Variants in SLC6A14 observed in about 807,000 individuals in gnomAD.
The protein encoded by SLC6A14 is solute carrier family 6 member 14.
In SLC6A14, 21 loss-of-function variants were observed where a neutral mutation model predicts 51.4. The ratio of observed to expected loss-of-function variants is 0.41; its 90% CI spans 0.29 to 0.59. The LOEUF is 0.59. SLC6A14 is among the 20% of genes least tolerant of loss of function. The pLI is 0.31. For synonymous variants in SLC6A14, 177 were observed against 160.7 expected (o/e 1.10, Z -0.77); for missense variants, 371 against 472.8 (o/e 0.78, Z 2.00).
intron 12 of SLC6A14, among the ~76,000 whole-genome samples, chrX:116,457,318 T>C (rs1273285439): frequency 1.8e-5 from 2 of 111,777 alleles, no homozygotes; most frequent in Non-Finnish European, 3.8e-5. Flanking sequence ...CAATCTGATA[T>C]ATGGTCAAGT....
At position 116,453,640 on chromosome X, in the gene SLC6A14, G is replaced by A. The variant is rs782340939; in HGVS notation, c.1285+498G>A. On this transcript the variant is annotated intron_variant, in intron 9 of 13. Coordinates refer to ENST00000598581, the MANE Select transcript of SLC6A14 (RefSeq NM_007231.5). ...GATCTAGTTAAATCACAATCTCTTT[G>A]TTGCCATAATAATGGGCATATGAAT... 6.3e-5 allele frequency among the ~76,000 whole-genome samples: 7 copies of A among 110,869 alleles called. No homozygotes were observed. In the South Asian group the frequency reaches 2.6e-3, roughly 41 times the overall value.
Position 116,455,022 on chromosome X carries a change from T to C in SLC6A14, c.1450T>C (p.Trp484Arg). The change falls in exon 11 of 14, where the codon TGG (tryptophan) becomes CGG (arginine). Residue 484 changes from tryptophan (W) to arginine (R), a missense_variant. Trp to Arg is a moderately radical substitution (Grantham distance 101). Coordinates refer to ENST00000598581, the MANE Select transcript of SLC6A14 (RefSeq NM_007231.5). ...VHLIDHFCAG[W>R]GILIAAILEL... The stretch of plus-strand genomic sequence containing the variant: ...TCTGATTGACCACTTCTGTGCTGGA[T>C]GGGGCATTTTAATTGCAGCTATACT... 8.3e-7 allele frequency: 1 copy of C among 1,207,196 alleles called. No individual in the cohort carries two copies. Among genetic ancestry groups the C allele is most frequent in the Non-Finnish European group, 1.1e-6 (1 of 892,366 alleles).
intron 7 of SLC6A14, among the ~76,000 whole-genome samples, chrX:116,451,238 G>A (rs1385577373): frequency 9.0e-6 from 1 of 111,217 alleles, no homozygotes; most frequent in Non-Finnish European, 1.9e-5. Flanking sequence ...AATTGCCACT[G>A]GTGGGTAGAA....
chrX:116,439,075 A>G lies in SLC6A14; in HGVS notation c.214+1120A>G, dbSNP rs782128264. Among the ~76,000 whole-genome samples the G allele has an allele frequency of 7.2e-5, 8 of 111,311 alleles. No individual in the cohort carries two copies. In the South Asian group the frequency reaches 2.3e-3, roughly 32 times the overall value. Reference sequence around the variant, plus strand: ...TGTCCTAAGGTCCAGTGTGGTAAAGAGAAGCATTCTGGATCATTTTGAGCC... The same window carrying G: ...TGTCCTAAGGTCCAGTGTGGTAAAGGGAAGCATTCTGGATCATTTTGAGCC... On this transcript the variant is annotated intron_variant, in intron 2 of 13. Coordinates refer to ENST00000598581, the MANE Select transcript of SLC6A14 (RefSeq NM_007231.5).
intron 5 of SLC6A14, 38 bp downstream of exon 5, chrX:116,443,828 A>G (rs1927651348): frequency 9.7e-7 from 1 of 1,030,694 alleles, no homozygotes; most frequent in South Asian, 2.6e-5. Flanking sequence ...AGTAGATGTT[A>G]TCTTAAAATT....
intron 13 of SLC6A14, among the ~76,000 whole-genome samples, chrX:116,458,149 C>G (rs1362506450): frequency 9.0e-6 from 1 of 111,509 alleles, no homozygotes; most frequent in African/African-American, 3.3e-5. Context: ...TCCATAGTCA[C>G]TGCTTTTAAA....
At chrX:116,437,733 C>T in intron 1 of SLC6A14, 57 bp from the exon 2 acceptor site, 2 of 1,095,038 alleles carry the variant, frequency 1.8e-6, no homozygotes, top group Admixed American at 5.1e-5. Flanking sequence ...TGAAATTATG[C>T]TTCTGTGGAA....
intron 4 of SLC6A14, 74 bp from the exon 5 acceptor site, chrX:116,443,569 T>C: frequency 1.3e-6 from 1 of 742,372 alleles, no homozygotes; most frequent in Non-Finnish European, 1.8e-6. Flanking sequence ...TATGTTACCA[T>C]TAAAACATTT....
chrX:116,436,777 G>A lies in SLC6A14; in HGVS notation c.48+20G>A, dbSNP rs782337618. On this transcript the variant is annotated intron_variant, in intron 1 of 13. Coordinates refer to ENST00000598581, the MANE Select transcript of SLC6A14 (RefSeq NM_007231.5). ...AAGGAGGTAGGGGTCTGGGAGCTGC[G>A]GGAGGTGTGGAGGACCTGAGAGTGG... is the stretch of plus-strand genomic sequence containing the variant. 2.6e-6 allele frequency: 3 copies of A among 1,157,507 alleles called. No homozygotes were observed. Among genetic ancestry groups the A allele is most frequent in the Non-Finnish European group, 3.5e-6 (3 of 867,159 alleles).
intron 8 of SLC6A14, 47 bp downstream of exon 8, chrX:116,451,717 C>A: frequency 1.3e-6 from 1 of 744,487 alleles, no homozygotes; most frequent in Non-Finnish European, 2.0e-6. Context: ...CAATGTATCT[C>A]ACTTATGAAA....
Position 116,440,970 on chromosome X carries a change from C to T in SLC6A14, c.219C>T (p.Ala73=). ...PYLTYSNGGG[A]FLIPYAIMLA... Reference sequence around the variant, plus strand: ...GTTCTTTCTCACCTTTTTTAGGCGCCTTCTTGATACCTTATGCAATTATGT... The same window carrying T: ...GTTCTTTCTCACCTTTTTTAGGCGCTTTCTTGATACCTTATGCAATTATGT... The change falls in exon 3 of 14, where the codon GCC becomes GCT. Residue 73 remains alanine, a synonymous_variant. Transcript: ENST00000598581. The T allele has an allele frequency of 1.7e-6, 2 of 1,208,739 alleles. No individual in the cohort carries two copies. The highest frequency in any genetic ancestry group is 2.2e-6 in the Non-Finnish European group (2 of 894,177).
Position 116,459,952 on chromosome X carries a change from A to G in SLC6A14, c.*997A>G, listed in dbSNP as rs1307950266. On this transcript the variant is annotated 3_prime_UTR_variant, in exon 14 of 14. Transcript: ENST00000598581. Reference sequence around the variant, plus strand: ...GATAAACTTGTCAAACTTGTCAAGAATGAGAAAAGCCAAATTAGAAAATCC... The same window carrying G: ...GATAAACTTGTCAAACTTGTCAAGAGTGAGAAAAGCCAAATTAGAAAATCC... The G allele has an allele frequency of 8.9e-6, 1 of 111,790 alleles. No homozygotes were observed. Among genetic ancestry groups the G allele is most frequent in the Non-Finnish European group, 1.9e-5 (1 of 53,063 alleles). The allele number at this position is 111,790 out of a possible 1,213,427, so 9.2% of individuals were successfully genotyped here. A position where few individuals can be genotyped will look rare whatever the true frequency, so the allele number is the denominator to read the frequency against.
chrX:116,440,727 C>T (rs782071737), intron 2 of SLC6A14, among the ~76,000 whole-genome samples: 12 of 111,782 alleles, frequency 1.1e-4, no homozygotes, highest in Non-Finnish European at 1.7e-4. Context: ...TATACTCTAC[C>T]ATTTTTAATA....
At chrX:116,445,141 T>C in intron 6 of SLC6A14, 91 bp downstream of exon 6, 1 of 915,044 alleles carries the variant, frequency 1.1e-6, no homozygotes, top group South Asian at 2.8e-5. Context: ...ATGTTTTTTT[T>C]CTATAATGGG....
Position 116,442,757 on chromosome X carries a change from T to A in SLC6A14, c.417T>A (p.Ser139Arg). 2.5e-6 allele frequency: 3 copies of A among 1,187,960 alleles called. No individual in the cohort carries two copies. Among genetic ancestry groups the A allele is most frequent in the Non-Finnish European group, 3.4e-6 (3 of 882,138 alleles). The change falls in exon 4 of 14, where the codon AGT (serine) becomes AGA (arginine). Residue 139 changes from serine to arginine, a missense_variant. Coordinates refer to ENST00000598581, the MANE Select transcript of SLC6A14 (RefSeq NM_007231.5). Reference protein sequence around the residue: ...TIYYNVIIAYSLYYMFASFQS... With the variant: ...TIYYNVIIAYRLYYMFASFQS... ...ATTACAATGTCATAATTGCCTATAG[T>A]CTTTACTACATGTTTGCTTCTTTTC...
chrX:116,437,715 T>C, intron 1 of SLC6A14, 75 bp from the exon 2 acceptor site: 2 of 1,016,270 alleles, frequency 2.0e-6, no homozygotes, highest in Non-Finnish European at 2.7e-6. Context: ...TGTTGCTCTA[T>C]GGATTTGTGA....
At position 116,446,206 on chromosome X, in the gene SLC6A14, A is replaced by G. The variant is rs188229540; in HGVS notation, c.790-535A>G. Among the ~76,000 whole-genome samples, 161 of 108,158 alleles carry G rather than the reference A, an allele frequency of 1.5e-3. 1 individual carries two copies. Among genetic ancestry groups the G allele is most frequent in the African/African-American group, 5.2e-3 (157 of 30,243 alleles). 93.9% of individuals were successfully genotyped at this position (108,158 alleles called of 115,157 possible). A position where few individuals can be genotyped will look rare whatever the true frequency, so the allele number is the denominator to read the frequency against. On this transcript the variant is annotated intron_variant, in intron 6 of 13. Coordinates refer to ENST00000598581, the MANE Select transcript of SLC6A14 (RefSeq NM_007231.5). Reference sequence around the variant, plus strand: ...GTGTTATCTAGTACAGAAGCAGAGCACTTGTATGTATGCTATCAAACTCTC... The same window carrying G: ...GTGTTATCTAGTACAGAAGCAGAGCGCTTGTATGTATGCTATCAAACTCTC...
At chrX:116,456,792 G>A (rs546876208) in intron 12 of SLC6A14, among the ~76,000 whole-genome samples, 2 of 110,577 alleles carry the variant, frequency 1.8e-5, no homozygotes, top group African/African-American at 6.5e-5. Context: ...TTGTTTTCTC[G>A]CTGATTTTAA....
At chrX:116,453,658 A>G (rs781992860) in intron 9 of SLC6A14, among the ~76,000 whole-genome samples, 1 of 111,279 alleles carries the variant, frequency 9.0e-6, no homozygotes, top group African/African-American at 3.2e-5. Flanking sequence ...AATAATGGGC[A>G]TATGAATGAT....
Sources: allele counts gnomAD v4.1 joint callset (sites outside exome capture counted in the v4.1 genomes callset), GRCh38; gene constraint gnomAD v4.1.1; transcripts MANE v1.5; gene names NCBI Gene and HGNC (gene_info 2026-07-23, HGNC 2026-07-21).